BTAF1: variants seen among roughly 807,000 people sequenced by gnomAD.
The protein encoded by BTAF1 is B-TFIID TATA-box binding protein associated factor 1.
A neutral mutation model predicts 227.1 loss-of-function variants in BTAF1; 38 were observed. That is an observed-to-expected ratio of 0.17 (90% confidence interval 0.13 to 0.22). BTAF1 has a LOEUF of 0.22. Among genes scored for constraint, BTAF1 ranks in the 10% least tolerant of loss-of-function variants. The pLI, the probability that BTAF1 is intolerant of heterozygous loss-of-function variation, is 1.00. For synonymous variants in BTAF1, 742 were observed against 751.9 expected (o/e 0.99, Z 0.21); for missense variants, 1,598 against 2,204.0 (o/e 0.73, Z 5.51).
intron 25 of BTAF1, among the ~76,000 whole-genome samples, chr10:92,006,854 T>A (rs1182039631): frequency 6.6e-6 from 1 of 152,150 alleles, no homozygotes; most frequent in African/African-American, 2.4e-5. Context: ...CTGGGCACAG[T>A]TTGTCTAAAG....
chr10:91,938,908 A>T (rs1202439877), intron 2 of BTAF1, among the ~76,000 whole-genome samples: 2 of 141,644 alleles, frequency 1.4e-5, no homozygotes, highest in African/African-American at 2.7e-5. Flanking sequence ...TTTTTTCAAG[A>T]TTGCTTTGGT....
In BTAF1 at chr10:91,935,452, C is replaced by A. The variant is rs149451619; in HGVS notation, c.15-205C>A. Among the ~76,000 whole-genome samples the A allele has an allele frequency of 1.5e-3, 222 of 152,196 alleles. 1 individual carries two copies. The highest frequency in any genetic ancestry group is 5.0e-3 in the African/African-American group (208 of 41,512). ...ATTCTACTCTTGACTTCTCTGAGATCGACTTTTTAGCTTCCATTTATGAGT... is the reference window on the plus strand; with the variant it reads ...ATTCTACTCTTGACTTCTCTGAGATAGACTTTTTAGCTTCCATTTATGAGT... On this transcript the variant is annotated intron_variant, in intron 1 of 37. Transcript: ENST00000265990.
chr10:91,984,373 A>G lies in BTAF1; in HGVS notation c.2396A>G (p.Asn799Ser), dbSNP rs745485131. 21 of 1,611,964 alleles carry G rather than the reference A, an allele frequency of 1.3e-5. No individual in the cohort carries two copies. Among genetic ancestry groups the G allele is most frequent in the Admixed American group, 1.7e-5 (1 of 59,886 alleles). Reference sequence around the variant, plus strand: ...GAAGTTGGTAATCGAGTAAACAACAATGTTTTAACAATAGATCAAGCTAGT... The same window carrying G: ...GAAGTTGGTAATCGAGTAAACAACAGTGTTTTAACAATAGATCAAGCTAGT... ...HIEVGNRVNNNVLTIDQASDL... is the reference protein window; with the variant it reads ...HIEVGNRVNNSVLTIDQASDL... Residue 799 changes from asparagine to serine, a missense_variant, in exon 19 of 38, where the codon AAT becomes AGT. This residue lies in a region of BTAF1 where 318 missense variants were observed against 435.0 expected (regional missense o/e 0.73). Transcript: ENST00000265990.
At chr10:92,005,781 CTT>C (rs141212756) in intron 25 of BTAF1, among the ~76,000 whole-genome samples, 12,000 of 152,010 alleles carry the variant, frequency 0.079, 702 homozygotes, top group East Asian at 0.2. Context: ...ATGAAAATAA[CTT>C]TTCTAAAACA....
chr10:91,997,854 A>G (rs993915816), intron 25 of BTAF1, 103 bp downstream of exon 25: 102 of 1,195,670 alleles, frequency 8.5e-5, no homozygotes, highest in Non-Finnish European at 1.2e-4. Flanking sequence ...CATGCCTGTA[A>G]TCCCAGCACT....
At chr10:91,967,964 C>G (rs1847039225) in intron 14 of BTAF1, among the ~76,000 whole-genome samples, 1 of 152,162 alleles carries the variant, frequency 6.6e-6, no homozygotes, top group Admixed American at 6.5e-5. Flanking sequence ...ATCCCTCCTA[C>G]TACCCACACA....
intron 25 of BTAF1, among the ~76,000 whole-genome samples, chr10:92,001,985 T>TATATAC (rs1491424232): frequency 5.5e-5 from 4 of 73,380 alleles, no homozygotes; most frequent in African/African-American, 1.7e-4. Flanking sequence ...TATATATATA[T>TATATAC]ACACACACAC....
chr10:91,989,348 A>G lies in BTAF1; in HGVS notation c.2622A>G (p.Leu874=). ...VVSLQQLPEK[L]NPIIKPLMET... ...GCTTGCAGCAGCTTCCGGAGAAATT[A>G]AATCCTATCATAAAACCATTAATGG... The change falls in exon 20 of 38, where the codon TTA becomes TTG. Residue 874 remains leucine (L), a synonymous_variant. Transcript: ENST00000265990. 6.2e-7 allele frequency: 1 copy of G among 1,614,236 alleles called. No individual in the cohort carries two copies. The highest frequency in any genetic ancestry group is 8.5e-7 in the Non-Finnish European group (1 of 1,180,048).
At chr10:92,020,634 A>ACAT (rs1318187838) in intron 34 of BTAF1, among the ~76,000 whole-genome samples, 1 of 152,180 alleles carries the variant, frequency 6.6e-6, no homozygotes, top group Non-Finnish European at 1.5e-5. Context: ...ATGGACTATG[A>ACAT]ACTTTCACAC....
intron 25 of BTAF1, among the ~76,000 whole-genome samples, chr10:92,001,534 G>A (rs759646943): frequency 4.6e-5 from 7 of 152,064 alleles, no homozygotes; most frequent in African/African-American, 7.2e-5. Flanking sequence ...AGCCAAGTTA[G>A]CCCTTGACAA....
chr10:92,016,483 C>CTT lies in BTAF1; in HGVS notation c.4710+30_4710+31dup, dbSNP rs11400019. 26,668 of 1,315,318 alleles carry CTT rather than the reference C, an allele frequency of 0.02. 2 individuals carry two copies. The highest frequency in any genetic ancestry group is 0.037 in the South Asian group (2,249 of 61,530). The allele number at this position is 1,315,318 out of a possible 1,614,324, so 81.5% of individuals were successfully genotyped here. ...TATTCCAGGTATAGATTACATTCTA[C>CTT]TTTTTTTTTTTTTGAGATGGAATTT... is the stretch of plus-strand genomic sequence containing the variant. On this transcript the variant is annotated intron_variant, in intron 33 of 37. Transcript: ENST00000265990.
intron 14 of BTAF1, among the ~76,000 whole-genome samples, chr10:91,970,271 T>C (rs1847195554): frequency 6.6e-6 from 1 of 152,126 alleles, no homozygotes; most frequent in South Asian, 2.1e-4. Context: ...GTTTGTTAAG[T>C]AAATTAGTGT....
At chr10:92,018,687 A>G in intron 33 of BTAF1, 96 bp from the exon 34 acceptor site, 1 of 1,170,804 alleles carries the variant, frequency 8.5e-7, no homozygotes, top group South Asian at 2.2e-5. Flanking sequence ...AAGGCATTCT[A>G]AACAGCATAG....
In BTAF1 at chr10:91,998,540, A is replaced by G. The variant is rs112435638; in HGVS notation, c.3660+789A>G. 6.9e-3 allele frequency among the ~76,000 whole-genome samples: 1,057 copies of G among 152,324 alleles called. 12 individuals carry two copies. Among genetic ancestry groups the G allele is most frequent in the African/African-American group, 0.024 (997 of 41,566 alleles). ...TCGGAGTACATTCATGGGGGCACAA[A>G]TAATGTGTGGCCAATGCAGGAAACT... On this transcript the variant is annotated intron_variant, in intron 25 of 37. Coordinates refer to ENST00000265990, the MANE Select transcript of BTAF1 (RefSeq NM_003972.3).
chr10:91,948,196 C>T (rs1454699915), intron 4 of BTAF1, among the ~76,000 whole-genome samples: 2 of 135,386 alleles, frequency 1.5e-5, no homozygotes, highest in African/African-American at 5.4e-5. Context: ...GTGCGACGTT[C>T]CTCCCCCTGT....
intron 33 of BTAF1, among the ~76,000 whole-genome samples, chr10:92,018,484 G>A (rs1244156799): frequency 6.6e-6 from 1 of 152,192 alleles, no homozygotes; most frequent in East Asian, 1.9e-4. Flanking sequence ...AGTGGGAAAG[G>A]GTTTTAAAGA....
chr10:91,977,861 T>C (rs1476456783), intron 14 of BTAF1, among the ~76,000 whole-genome samples: 1 of 152,178 alleles, frequency 6.6e-6, no homozygotes, highest in Non-Finnish European at 1.5e-5. Context: ...TAGACTTTAT[T>C]TTTCAGAGCA....
chr10:91,935,639 G>A lies in BTAF1; in HGVS notation c.15-18G>A, dbSNP rs776719626. Reference sequence around the variant, plus strand: ...GGAAAAGCATTTGAGAATAACCATTGTATTTTTGTTATTTCAGGCTAGATC... The same window carrying A: ...GGAAAAGCATTTGAGAATAACCATTATATTTTTGTTATTTCAGGCTAGATC... On this transcript the variant is annotated intron_variant, in intron 1 of 37. Coordinates refer to ENST00000265990, the MANE Select transcript of BTAF1 (RefSeq NM_003972.3). 2.5e-6 allele frequency: 4 copies of A among 1,610,650 alleles called. No homozygotes were observed. Among genetic ancestry groups the A allele is most frequent in the South Asian group, 1.1e-5 (1 of 90,688 alleles).
At chr10:91,992,759 C>A (rs1454119191) in intron 21 of BTAF1, among the ~76,000 whole-genome samples, 1 of 152,184 alleles carries the variant, frequency 6.6e-6, no homozygotes, top group Non-Finnish European at 1.5e-5. Context: ...CCTTTCCTCT[C>A]TGATTTATAA....
Sources: allele counts gnomAD v4.1 joint callset (sites outside exome capture counted in the v4.1 genomes callset), GRCh38; gene constraint gnomAD v4.1.1; regional missense constraint gnomAD v4.1.1; transcripts MANE v1.5; gene names NCBI Gene and HGNC (gene_info 2026-07-23, HGNC 2026-07-21).